The following DCC variants were observed in gnomAD, a reference collection of about 807,000 sequenced individuals.
DCC encodes the protein DCC netrin 1 receptor.
DCC carries 58 observed loss-of-function variants against 172.5 expected under a neutral mutation model. The observed-to-expected ratio is 0.34, with a 90% confidence interval of 0.27 to 0.42. DCC has a LOEUF of 0.42. Among genes scored for constraint, DCC ranks in the 10% least tolerant of loss-of-function variants. DCC has a pLI of 1.00. For synonymous variants in DCC, 709 were observed against 644.5 expected (o/e 1.10, Z -1.52); for missense variants, 1,740 against 1,791.0 (o/e 0.97, Z 0.51).
chr18:52,589,403 T>C (rs544212432), intron 1 of DCC, among the ~76,000 whole-genome samples: 16 of 152,288 alleles, frequency 1.1e-4, no homozygotes, highest in African/African-American at 3.8e-4. Context: ...TATCCAAGAG[T>C]GTCAACCTTC....
chr18:52,760,381 G>T (rs547923405), intron 2 of DCC, among the ~76,000 whole-genome samples: 1 of 152,186 alleles, frequency 6.6e-6, no homozygotes, highest in Non-Finnish European at 1.5e-5. Flanking sequence ...TACAATTTGG[G>T]TTACAATTCA....
intron 9 of DCC, among the ~76,000 whole-genome samples, chr18:53,203,841 T>A (rs1269908343): frequency 2.0e-5 from 3 of 152,228 alleles, no homozygotes; most frequent in Non-Finnish European, 4.4e-5. Context: ...TATCATTTGT[T>A]GATTTTAGGT....
At chr18:53,530,194 G>A (rs2046510341) in intron 28 of DCC, 2 of 635,642 alleles carry the variant, frequency 3.1e-6, no homozygotes, top group East Asian at 2.7e-5. Flanking sequence ...GCTCAGAATA[G>A]CCTATGAAAT....
chr18:52,410,924 G>C (rs1986822854), intron 1 of DCC, among the ~76,000 whole-genome samples: 1 of 152,130 alleles, frequency 6.6e-6, no homozygotes, highest in African/African-American at 2.4e-5. Context: ...AAAAATCTCA[G>C]TACAGTATTA....
chr18:53,449,985 A>G (rs1814294183), intron 22 of DCC, among the ~76,000 whole-genome samples: 1 of 152,090 alleles, frequency 6.6e-6, no homozygotes, highest in Non-Finnish European at 1.5e-5. Context: ...TTTCATATAA[A>G]TAGAATCATA....
chr18:52,597,872 G>A (rs143544387), intron 1 of DCC, among the ~76,000 whole-genome samples: 64 of 152,346 alleles, frequency 4.2e-4, no homozygotes, highest in African/African-American at 1.5e-3. Context: ...GTAGAGAACA[G>A]TGAAGATATT....
chr18:52,985,674 T>G (rs1308494024), intron 5 of DCC, among the ~76,000 whole-genome samples: 1 of 152,150 alleles, frequency 6.6e-6, no homozygotes, highest in Non-Finnish European at 1.5e-5. Context: ...ATGTCTTTTT[T>G]TTTCCCTTAA....
chr18:52,692,271 T>C (rs2035940381), intron 1 of DCC, among the ~76,000 whole-genome samples: 1 of 152,116 alleles, frequency 6.6e-6, no homozygotes, highest in Admixed American at 6.6e-5. Context: ...GCCAAGTATT[T>C]TACTTTTTAT....
chr18:53,320,200 G>T (rs2144822124), intron 13 of DCC, among the ~76,000 whole-genome samples: 1 of 151,002 alleles, frequency 6.6e-6, no homozygotes, highest in Non-Finnish European at 1.5e-5. Flanking sequence ...AGCCTCCCGA[G>T]TAGCTGGGAC....
chr18:52,834,980 ATTTC>A (rs1232388981), intron 2 of DCC, among the ~76,000 whole-genome samples: 16 of 152,108 alleles, frequency 1.1e-4, no homozygotes, highest in Admixed American at 8.5e-4. Context: ...ATATTAAACT[ATTTC>A]TTCTTTTGTA....
intron 13 of DCC, 40 bp from the exon 14 acceptor site, chr18:53,322,007 A>C (rs780063261): frequency 9.3e-7 from 1 of 1,079,032 alleles, no homozygotes; most frequent in Non-Finnish European, 1.4e-6. Context: ...TACTTGGTGC[A>C]TAGTAACTTT....
chr18:52,939,748 C>G (rs537607245), intron 5 of DCC, among the ~76,000 whole-genome samples: 3 of 152,192 alleles, frequency 2.0e-5, no homozygotes, highest in Non-Finnish European at 4.4e-5. Context: ...TCATCATCAT[C>G]ATGCCAGAAA....
At chr18:53,082,442 C>A (rs1161431390) in intron 7 of DCC, among the ~76,000 whole-genome samples, 4 of 152,082 alleles carry the variant, frequency 2.6e-5, no homozygotes, top group South Asian at 2.1e-4. Flanking sequence ...CCTTAATTTT[C>A]ACTGTCATAT....
chr18:53,309,361 A>G (rs770570864), intron 13 of DCC, among the ~76,000 whole-genome samples: 4 of 152,112 alleles, frequency 2.6e-5, no homozygotes, highest in Non-Finnish European at 5.9e-5. Context: ...CAATTAGGAC[A>G]TTAGAGATAG....
intron 7 of DCC, among the ~76,000 whole-genome samples, chr18:53,134,522 G>A (rs770799553): frequency 3.3e-5 from 5 of 152,004 alleles, no homozygotes; most frequent in African/African-American, 1.2e-4. Context: ...TTGTTTTCAG[G>A]TTATTGGAGA....
At chr18:52,814,728 A>G (rs953431009) in intron 2 of DCC, among the ~76,000 whole-genome samples, 11 of 152,230 alleles carry the variant, frequency 7.2e-5, no homozygotes, top group African/African-American at 2.7e-4. Flanking sequence ...AATATCAAAA[A>G]GCCTTTCTTA....
Position 53,063,402 on chromosome 18 carries a change from T to G in DCC, c.1083T>G (p.Thr361=), listed in dbSNP as rs781473932. The G allele has an allele frequency of 7.4e-6, 12 of 1,612,406 alleles. No homozygotes were observed. Among genetic ancestry groups the G allele is most frequent in the Non-Finnish European group, 8.5e-7 (1 of 1,178,642 alleles). The part of the protein sequence containing the change: ...ECTVSGKPVP[T]VNWMKNGDVV... ...CAGTCTCTGGAAAGCCTGTGCCCACTGTGAATTGGATGAAGAATGGAGATG... is the reference window on the plus strand; with the variant it reads ...CAGTCTCTGGAAAGCCTGTGCCCACGGTGAATTGGATGAAGAATGGAGATG... Residue 361 remains threonine, a synonymous_variant, in exon 6 of 29, where the codon ACT becomes ACG. Transcript: ENST00000442544.
chr18:53,025,604 T>C (rs2041944534), intron 5 of DCC, among the ~76,000 whole-genome samples: 1 of 152,138 alleles, frequency 6.6e-6, no homozygotes, highest in Non-Finnish European at 1.5e-5. Flanking sequence ...AAGACTCTAA[T>C]ATCTGACTCT....
intron 7 of DCC, among the ~76,000 whole-genome samples, chr18:53,151,820 C>T (rs995590010): frequency 6.6e-6 from 1 of 152,032 alleles, no homozygotes; most frequent in East Asian, 1.9e-4. Context: ...AATAATGTAA[C>T]ATTTTAGAAA....
Sources: allele counts gnomAD v4.1 joint callset (sites outside exome capture counted in the v4.1 genomes callset), GRCh38; gene constraint gnomAD v4.1.1; transcripts MANE v1.5; gene names NCBI Gene and HGNC (gene_info 2026-07-23, HGNC 2026-07-21).